Variants in SGCD observed in about 807,000 individuals in gnomAD.
SGCD encodes the protein delta-sarcoglycan.
Under a neutral mutation model 36.6 loss-of-function variants are expected in SGCD, and 18 were observed. The ratio of observed to expected loss-of-function variants is 0.49; its 90% CI spans 0.34 to 0.73. SGCD has a LOEUF of 0.73. SGCD is among the 30% of genes least tolerant of loss of function. The probability of loss-of-function intolerance (pLI) is 0.01; values close to 1 mark genes in which losing one functional copy is unlikely to be tolerated. For missense variants in SGCD, 387 were observed against 346.7 expected (o/e 1.12, Z -0.92); for synonymous variants, 133 against 130.6 (o/e 1.02, Z -0.12).
At chr5:156,756,465 A>G (rs978293836) in intron 7 of SGCD, among the ~76,000 whole-genome samples, 10 of 152,202 alleles carry the variant, frequency 6.6e-5, no homozygotes, top group South Asian at 6.2e-4. Flanking sequence ...ACTTAAGCAC[A>G]GGAATTTGAA....
At chr5:155,927,540 G>A (rs765486332) in intron 1 of SGCD, among the ~76,000 whole-genome samples, 7 of 152,082 alleles carry the variant, frequency 4.6e-5, no homozygotes, top group East Asian at 3.9e-4. Flanking sequence ...GCATGCTATC[G>A]AAAAATGGGG....
At chr5:155,836,638 C>G in the SGCD span, among the ~76,000 whole-genome samples, 1 of 152,198 alleles carries the variant, frequency 6.6e-6, no homozygotes. Context: ...TTCTCCCATC[C>G]ACTTGACATT....
At chr5:155,961,777 A>T (rs374670934) in intron 1 of SGCD, among the ~76,000 whole-genome samples, 1 of 152,138 alleles carries the variant, frequency 6.6e-6, no homozygotes. Flanking sequence ...TCCTTACTTT[A>T]ATCCAAGCCT....
chr5:156,322,991 C>A (rs1254154991), upstream of SGCD, among the ~76,000 whole-genome samples: 1 of 152,164 alleles, frequency 6.6e-6, no homozygotes, highest in East Asian at 1.9e-4. Flanking sequence ...CCATCTGATT[C>A]TAATAGAATC....
the SGCD span, among the ~76,000 whole-genome samples, chr5:155,757,889 A>G: frequency 1.3e-3 from 192 of 152,254 alleles, no homozygotes; most frequent in Middle Eastern, 6.8e-3. Context: ...GTGATAGTGA[A>G]TAAGTCTCAT....
At chr5:156,736,910 C>T (rs777785807) in intron 7 of SGCD, among the ~76,000 whole-genome samples, 3 of 152,168 alleles carry the variant, frequency 2.0e-5, no homozygotes, top group Non-Finnish European at 1.5e-5. Context: ...AACACCAGAA[C>T]GACCTCCATA....
the SGCD span, among the ~76,000 whole-genome samples, chr5:155,851,216 C>G: frequency 6.6e-6 from 1 of 152,164 alleles, no homozygotes; most frequent in East Asian, 1.9e-4. Flanking sequence ...GTGTGTTCTT[C>G]GGGATTCATC....
chr5:155,936,579 CT>C (rs1757206685), intron 1 of SGCD, among the ~76,000 whole-genome samples: 1 of 152,150 alleles, frequency 6.6e-6, no homozygotes, highest in South Asian at 2.1e-4. Flanking sequence ...TTTTTATAGG[CT>C]TCAGAGGAAA....
the SGCD span, among the ~76,000 whole-genome samples, chr5:155,780,832 C>G: frequency 1.3e-5 from 2 of 152,030 alleles, no homozygotes; most frequent in Middle Eastern, 3.2e-3. Flanking sequence ...ATAAAAGACC[C>G]CAAAGGACTC....
chr5:156,498,250 A>G (rs543546529), intron 3 of SGCD, among the ~76,000 whole-genome samples: 3 of 128,872 alleles, frequency 2.3e-5, no homozygotes, highest in African/African-American at 6.0e-5. Context: ...TGTGAACGTC[A>G]TATTTCTCTT....
chr5:156,133,889 A>G (rs1271911427), intron 3 of SGCD, among the ~76,000 whole-genome samples: 3 of 150,816 alleles, frequency 2.0e-5, no homozygotes, highest in African/African-American at 7.3e-5. Flanking sequence ...TCTTGTACAG[A>G]TTTAGGTCTT....
chr5:156,056,654 A>AAAAAAACAAAAAAC lies in SGCD; in HGVS notation c.-281-61218_-281-61217insCAAAAAACAAAAAA, dbSNP rs1554115105. ...CCTGCCAAATTATCCTTAAAAAAAA[A>AAAAAAACAAAAAAC]AAAAAAAAAAACAGTCTCCAAATTT... On this transcript the variant is annotated intron_variant, in intron 1 of 9. Coordinates refer to the SGCD transcript ENST00000517913. Among the ~76,000 whole-genome samples the AAAAAAACAAAAAAC allele has an allele frequency of 1.9e-4, 26 of 137,916 alleles. 3 individuals are homozygous for AAAAAAACAAAAAAC. Among genetic ancestry groups the AAAAAAACAAAAAAC allele is most frequent in the African/African-American group, 7.0e-4 (25 of 35,756 alleles). The allele number at this position is 137,916 out of a possible 152,430, so 90.5% of individuals were successfully genotyped here.
intron 1 of SGCD, among the ~76,000 whole-genome samples, chr5:156,067,768 C>T (rs1234990809): frequency 7.4e-6 from 1 of 135,994 alleles, no homozygotes; most frequent in Admixed American, 7.0e-5. Context: ...TTGCGCTTCC[C>T]AGGTGAGGCA....
chr5:156,638,144 A>C (rs1280981513), intron 6 of SGCD, among the ~76,000 whole-genome samples: 2 of 150,532 alleles, frequency 1.3e-5, no homozygotes, highest in African/African-American at 4.9e-5. Context: ...TTTTTATTTT[A>C]CATCTCACTG....
At position 156,382,619 on chromosome 5, in the gene SGCD, G is replaced by A. The variant is rs145448778; in HGVS notation, c.192+37942G>A. ...AAAAAGTAATAAAAATCAGGGACAC[G>A]TGTGTGACATGTTATAATAATAATA... is the stretch of plus-strand genomic sequence containing the variant. On this transcript the variant is annotated intron_variant, in intron 3 of 8. Coordinates refer to ENST00000337851, the MANE Select transcript of SGCD (RefSeq NM_000337.6). Among the ~76,000 whole-genome samples, 13 of 152,268 alleles carry A rather than the reference G, an allele frequency of 8.5e-5. No homozygotes were observed. The East Asian group carries it at 2.3e-3, about 27-fold the overall frequency.
chr5:156,695,516 GAT>G (rs1754281204), intron 7 of SGCD, among the ~76,000 whole-genome samples: 5 of 1,310 alleles, frequency 3.8e-3, no homozygotes, highest in African/African-American at 7.6e-3. Context: ...TAGATGGATA[GAT>G]AGATAGATAG....
chr5:156,002,227 A>C (rs1581036432), intron 1 of SGCD, among the ~76,000 whole-genome samples: 1 of 152,146 alleles, frequency 6.6e-6, no homozygotes, highest in East Asian at 1.9e-4. Context: ...TGAGATTAGG[A>C]CACAGACACA....
At chr5:156,228,440 T>C (rs538178611) in intron 3 of SGCD, among the ~76,000 whole-genome samples, 4 of 152,320 alleles carry the variant, frequency 2.6e-5, no homozygotes, top group African/African-American at 9.6e-5. Context: ...GTGATTTTTG[T>C]CTAATGTAAG....
chr5:156,571,199 T>A (rs578081447), intron 4 of SGCD, among the ~76,000 whole-genome samples: 8 of 151,934 alleles, frequency 5.3e-5, no homozygotes, highest in Non-Finnish European at 1.2e-4. Flanking sequence ...GTGTGTGCTA[T>A]CGCACCCAGC....
Sources: allele counts gnomAD v4.1 joint callset (sites outside exome capture counted in the v4.1 genomes callset), GRCh38; gene constraint gnomAD v4.1.1; transcripts MANE v1.5; gene names NCBI Gene and HGNC (gene_info 2026-07-23, HGNC 2026-07-21).